The following PTPRN2 variants were observed in gnomAD, a reference collection of about 807,000 sequenced individuals.
PTPRN2 encodes the protein receptor-type tyrosine-protein phosphatase N2.
In PTPRN2, 74 loss-of-function variants were observed where a neutral mutation model predicts 118.8. That is an observed-to-expected ratio of 0.62 (90% CI 0.52 to 0.76). PTPRN2 has a LOEUF of 0.76. Ranked by LOEUF, PTPRN2 falls within the 30% of genes least tolerant of loss-of-function variation. PTPRN2 has a pLI of 0.00. For missense variants in PTPRN2, 1,481 were observed against 1,394.4 expected (o/e 1.06, Z -0.99); for synonymous variants, 641 against 608.0 (o/e 1.05, Z -0.80).
In PTPRN2 at chr7:158,525,516, C is replaced by G. The variant is rs183974205; in HGVS notation, c.113-35731G>C. On this transcript the variant is annotated intron_variant, in intron 1 of 22. Transcript: ENST00000389418. This position sits in a 1 kb window ranked among gnomAD's most constrained non-coding sequence, Gnocchi z 4.1. ...ACACAGGCTCTGCAGAAATCCTGAG[C>G]TGGGGCCACCCCAGCCTCCCTGGCC... 1.6e-4 allele frequency among the ~76,000 whole-genome samples: 25 copies of G among 152,330 alleles called. 1 individual carries two copies. Among genetic ancestry groups the G allele is most frequent in the African/African-American group, 5.8e-4 (24 of 41,588 alleles).
At chr7:158,518,469 A>C (rs1239320295) in intron 1 of PTPRN2, among the ~76,000 whole-genome samples, 1 of 152,206 alleles carries the variant, frequency 6.6e-6, no homozygotes, top group Non-Finnish European at 1.5e-5. Context: ...GAAGTGAAGA[A>C]AATGCACAGC....
At chr7:158,005,993 C>T (rs1805608421) in intron 11 of PTPRN2, among the ~76,000 whole-genome samples, 1 of 152,192 alleles carries the variant, frequency 6.6e-6, no homozygotes, top group Non-Finnish European at 1.5e-5. Flanking sequence ...TTGGAATGCT[C>T]ATGTCAAATC....
At chr7:157,691,808 G>T (rs934426707) in intron 12 of PTPRN2, among the ~76,000 whole-genome samples, 5 of 152,096 alleles carry the variant, frequency 3.3e-5, no homozygotes, top group Non-Finnish European at 5.9e-5. Context: ...AGTCAGGCCC[G>T]CAGCGGGCGA....
At chr7:157,646,577 C>T (rs142869638) in intron 14 of PTPRN2, among the ~76,000 whole-genome samples, 9 of 152,288 alleles carry the variant, frequency 5.9e-5, no homozygotes, top group Non-Finnish European at 8.8e-5. Flanking sequence ...CTAATGAACC[C>T]GGGTCTAATT....
At chr7:158,427,910 G>A (rs13223300) in intron 2 of PTPRN2, among the ~76,000 whole-genome samples, 1 of 112,276 alleles carries the variant, frequency 8.9e-6, no homozygotes, top group Non-Finnish European at 1.8e-5. Context: ...GGAAAGACGC[G>A]GGGTCCGAGA....
In PTPRN2 at chr7:157,586,303, C is replaced by T. The variant is rs188087492; in HGVS notation, c.2497-8163G>A. ...GACGTAGCAGCCTCTGAAGTCATTT[C>T]CCCCCGCTAACCTCCTGACTCTCCC... On this transcript the variant is annotated intron_variant, in intron 17 of 22. Transcript: ENST00000389418. Among the ~76,000 whole-genome samples the T allele has an allele frequency of 4.2e-4, 64 of 152,240 alleles. No homozygotes were observed. In the South Asian group the frequency reaches 5.2e-3, roughly 12 times the overall value.
intron 14 of PTPRN2, among the ~76,000 whole-genome samples, chr7:157,648,862 T>C (rs1215698273): frequency 6.8e-6 from 1 of 146,576 alleles, no homozygotes; most frequent in East Asian, 2.5e-4. Context: ...TGCACTGAAC[T>C]CGGTGGGTCG....
chr7:158,119,614 G>GAGAGAGAGAGA (rs1563460397), intron 9 of PTPRN2, among the ~76,000 whole-genome samples: 63 of 147,180 alleles, frequency 4.3e-4, no homozygotes, highest in African/African-American at 1.6e-3. Flanking sequence ...TTTGAAAGAG[G>GAGAGAGAGAGA]GAGAGAGAGA....
In PTPRN2 at chr7:158,532,647, G is replaced by A. The variant is rs565878297; in HGVS notation, c.113-42862C>T. On this transcript the variant is annotated intron_variant, in intron 1 of 22. Transcript: ENST00000389418. ...AACGTCACTAAACTTCAAAAACCCGGGACATGATGTGATTAGAGGAACAGC... is the reference window on the plus strand; with the variant it reads ...AACGTCACTAAACTTCAAAAACCCGAGACATGATGTGATTAGAGGAACAGC... 30 of 500,438 alleles carry A rather than the reference G, an allele frequency of 6.0e-5. 1 individual carries two copies. The highest frequency in any genetic ancestry group is 4.4e-4 in the South Asian group (30 of 68,544). The allele number at this position is 500,438 out of a possible 1,614,324, so 31.0% of individuals were successfully genotyped here.
chr7:158,504,692 A>T (rs1822618669), intron 1 of PTPRN2, among the ~76,000 whole-genome samples: 1 of 152,232 alleles, frequency 6.6e-6, no homozygotes, highest in Non-Finnish European at 1.5e-5. Flanking sequence ...CATTGTGAAC[A>T]ATTCCCTGTC....
intron 11 of PTPRN2, among the ~76,000 whole-genome samples, chr7:157,983,986 G>A (rs1803517050): frequency 6.6e-6 from 1 of 152,082 alleles, no homozygotes; most frequent in South Asian, 2.1e-4. Flanking sequence ...ACCCAGCGCC[G>A]CGAGCATCTC....
chr7:158,375,339 C>G (rs1389358350), intron 2 of PTPRN2, among the ~76,000 whole-genome samples: 2 of 152,200 alleles, frequency 1.3e-5, no homozygotes, highest in Non-Finnish European at 2.9e-5. Context: ...CAGGCATAGT[C>G]CAGGCACAAT....
chr7:157,743,950 T>G (rs960977047), intron 12 of PTPRN2, among the ~76,000 whole-genome samples: 1 of 152,210 alleles, frequency 6.6e-6, no homozygotes, highest in Non-Finnish European at 1.5e-5. Context: ...CTTTGCACGT[T>G]GCATGTGTCG....
intron 11 of PTPRN2, among the ~76,000 whole-genome samples, chr7:158,031,848 G>A (rs1233224538): frequency 6.6e-6 from 1 of 152,260 alleles, no homozygotes; most frequent in Non-Finnish European, 1.5e-5. Flanking sequence ...GTTTACAGCA[G>A]CCTCAGGAAG....
intron 11 of PTPRN2, among the ~76,000 whole-genome samples, chr7:158,055,800 G>A (rs985954489): frequency 2.6e-5 from 4 of 152,252 alleles, no homozygotes; most frequent in South Asian, 4.1e-4. Context: ...AAATATCAGC[G>A]CAGCCTGGCA....
intron 4 of PTPRN2, among the ~76,000 whole-genome samples, chr7:158,200,100 G>A (rs1826516935): frequency 6.6e-6 from 1 of 152,156 alleles, no homozygotes; most frequent in African/African-American, 2.4e-5. Flanking sequence ...GCCCCACAGA[G>A]GAATCAGTCC....
chr7:158,577,122 C>G (rs1195203902), intron 1 of PTPRN2, among the ~76,000 whole-genome samples: 3 of 135,644 alleles, frequency 2.2e-5, no homozygotes, highest in African/African-American at 8.7e-5. Context: ...CTGAGGGCTC[C>G]CAGCCCTCCT....
At chr7:157,697,709 CGTCT>C (rs1797866436) in intron 12 of PTPRN2, among the ~76,000 whole-genome samples, 3 of 128,354 alleles carry the variant, frequency 2.3e-5, no homozygotes, top group Non-Finnish European at 3.2e-5. Flanking sequence ...GAGCCCTCAC[CGTCT>C]ACCCATGCAT....
At chr7:158,476,909 C>T (rs1354291226) in intron 2 of PTPRN2, among the ~76,000 whole-genome samples, 3 of 152,232 alleles carry the variant, frequency 2.0e-5, no homozygotes, top group Non-Finnish European at 4.4e-5. Flanking sequence ...CATCTGAGCT[C>T]ACATGTGTGT....
Sources: gnomAD v4.1 joint callset for allele counts (sites outside exome capture counted in the v4.1 genomes callset) on GRCh38, gnomAD v4.1.1 for gene constraint, Gnocchi (gnomAD v3.1) non-coding constraint, MANE v1.5 for transcripts, NCBI Gene and HGNC (gene_info 2026-07-23, HGNC 2026-07-21) for gene names.